EXPH5: variants seen among roughly 807,000 people sequenced by gnomAD.
EXPH5 encodes exophilin-5.
In EXPH5, 42 loss-of-function variants were observed where a neutral mutation model predicts 41.1. That is an observed-to-expected ratio of 1.02 (90% CI 0.80 to 1.32). EXPH5 has a LOEUF of 1.32. EXPH5 is among the 40% of genes most tolerant of loss of function. The pLI, the probability that EXPH5 is intolerant of heterozygous loss-of-function variation, is 0.00. For missense variants in EXPH5, 2,298 were observed against 2,314.5 expected (o/e 0.99, Z 0.15); for synonymous variants, 798 against 833.5 (o/e 0.96, Z 0.73).
In EXPH5 at chr11:108,573,198, A is replaced by AAGAAAGAAAGAG. The variant is rs1456627760; in HGVS notation, c.119+20219_119+20220insCTCTTTCTTTCT. On this transcript the variant is annotated intron_variant, in intron 1 of 5. Transcript: ENST00000265843. ...AAAGAAAGAAAGAAAGAAAGAAAGA[A>AAGAAAGAAAGAG]AAAGAAAGAAAGAAAGAAAGAAAGG... 4.7e-3 allele frequency among the ~76,000 whole-genome samples: 509 copies of AAGAAAGAAAGAG among 108,260 alleles called. 8 individuals are homozygous for AAGAAAGAAAGAG. Among genetic ancestry groups the AAGAAAGAAAGAG allele is most frequent in the African/African-American group, 9.8e-3 (236 of 24,180 alleles). The allele number at this position is 108,260 out of a possible 152,430, so 71.0% of individuals were successfully genotyped here.
chr11:108,521,760 A>G (rs189478374), intron 4 of EXPH5, among the ~76,000 whole-genome samples: 39 of 152,314 alleles, frequency 2.6e-4, no homozygotes, highest in Admixed American at 2.2e-3. Context: ...CTTTCTTCTC[A>G]AATCTGCAAT....
chr11:108,597,793 A>G (rs2094140814), upstream of EXPH5, among the ~76,000 whole-genome samples: 1 of 152,220 alleles, frequency 6.6e-6, no homozygotes, highest in Non-Finnish European at 1.5e-5. Flanking sequence ...ATCATAGATG[A>G]TAATTATCTA....
chr11:108,557,046 T>C (rs983505355), intron 1 of EXPH5, among the ~76,000 whole-genome samples: 2 of 152,240 alleles, frequency 1.3e-5, no homozygotes, highest in Admixed American at 6.5e-5. Context: ...TCTGAAATGC[T>C]CTTCCCTATT....
intron 1 of EXPH5, among the ~76,000 whole-genome samples, chr11:108,578,418 T>C (rs1394398664): frequency 2.0e-5 from 3 of 152,164 alleles, no homozygotes; most frequent in African/African-American, 7.2e-5. Flanking sequence ...CAGTACCATG[T>C]TATTTTAGTT....
At chr11:108,552,950 C>A (rs903445639) in intron 1 of EXPH5, among the ~76,000 whole-genome samples, 1 of 152,082 alleles carries the variant, frequency 6.6e-6, no homozygotes, top group African/African-American at 2.4e-5. Context: ...AATCCTAGCA[C>A]TTTGGGAGAC....
chr11:108,526,285 T>C (rs1565793704), intron 4 of EXPH5, among the ~76,000 whole-genome samples: 1 of 152,124 alleles, frequency 6.6e-6, no homozygotes, highest in Admixed American at 6.6e-5. Flanking sequence ...CCATTTCCCT[T>C]ATTTGCCCAG....
At chr11:108,590,377 A>G (rs1467224132) in intron 1 of EXPH5, among the ~76,000 whole-genome samples, 1 of 152,228 alleles carries the variant, frequency 6.6e-6, no homozygotes, top group African/African-American at 2.4e-5. Context: ...CCTATTTATC[A>G]GTTTGAATCT....
In EXPH5 at chr11:108,509,684, G is replaced by C. The variant is rs1233980438; in HGVS notation, c.5823C>G (p.Pro1941=). 6.2e-7 allele frequency: 1 copy of C among 1,613,782 alleles called. No homozygotes were observed. The highest frequency in any genetic ancestry group is 1.1e-5 in the South Asian group (1 of 90,982). The stretch of plus-strand genomic sequence containing the variant: ...AGCCATCTTCTGGCACCTGACTACT[G>C]GGAGAATTTGAGCTTAATGACTCTG... ...NPSESLSSNS[P]SSQVPEDGLS... is the part of the protein sequence containing the mutation. Residue 1941 remains proline (P), a synonymous_variant, in exon 6 of 6, where the codon CCC becomes CCG. Transcript: ENST00000265843.
chr11:108,509,966 T>C lies in EXPH5; in HGVS notation c.5541A>G (p.Arg1847=), dbSNP rs773682113. The C allele has an allele frequency of 6.2e-7, 1 of 1,613,616 alleles. No homozygotes were observed. The highest frequency in any genetic ancestry group is 8.5e-7 in the Non-Finnish European group (1 of 1,179,828). ...GGAGTTCAGAAAAAGATCTGAATCT[T>C]CGACTGTACCCATTGTTGACAGAGA... ...NEFSVNNGYS[R]RFRSFSELPS... The change falls in exon 6 of 6, where the codon CGA becomes CGG. Residue 1847 remains arginine (R), a synonymous_variant. Coordinates refer to ENST00000265843, the MANE Select transcript of EXPH5 (RefSeq NM_015065.3).
rs1406059218 is a variant in EXPH5 at position 108,512,661 on chromosome 11, G to A, written c.2846C>T (p.Pro949Leu). ...HSENQERNDS[P>L]VPTHDEVVDV... ...AACCACTTCATCATGTGTAGGCACAGGACTATCATTTCTCTCTTGGTTTTC... is the reference window on the plus strand; with the variant it reads ...AACCACTTCATCATGTGTAGGCACAAGACTATCATTTCTCTCTTGGTTTTC... Residue 949 changes from proline to leucine, a missense_variant, in exon 6 of 6, where the codon CCT becomes CTT. Pro to Leu is a moderately conservative substitution (Grantham distance 98, BLOSUM62 -3). Transcript: ENST00000265843. The A allele has an allele frequency of 6.2e-7, 1 of 1,614,120 alleles. No homozygotes were observed. The highest frequency in any genetic ancestry group is 1.7e-5 in the Admixed American group (1 of 60,024).
At chr11:108,534,111 T>G (rs982800633) in intron 3 of EXPH5, among the ~76,000 whole-genome samples, 2 of 152,220 alleles carry the variant, frequency 1.3e-5, no homozygotes, top group African/African-American at 4.8e-5. Context: ...TTTCAAATGT[T>G]GCCAAATGTC....
At chr11:108,551,921 G>A (rs540921704) in intron 1 of EXPH5, 118 of 152,192 alleles carry the variant, frequency 7.8e-4, no homozygotes, top group African/African-American at 2.7e-3. Flanking sequence ...ACTGTATCCC[G>A]AGTCAGAGCT....
intron 1 of EXPH5, among the ~76,000 whole-genome samples, chr11:108,545,594 G>T (rs183770022): frequency 2.8e-4 from 43 of 152,038 alleles, no homozygotes; most frequent in Non-Finnish European, 5.0e-4. Context: ...GAGTGTGTGT[G>T]GGGGGGAAAC....
At position 108,510,077 on chromosome 11, in the gene EXPH5, G is replaced by C; in HGVS notation, c.5430C>G (p.Ser1810Arg). ...GGCGCTCCCTGACTTTTGGAGGATG[G>C]CTTTTTCGTAGTAGATCGCCATGAA... ...INVHGDLLRKSHPPKVRERHF... is the reference protein window; with the variant it reads ...INVHGDLLRKRHPPKVRERHF... The change falls in exon 6 of 6, where the codon AGC becomes AGG. Residue 1810 changes from serine (S) to arginine (R), a missense_variant. Coordinates refer to ENST00000265843, the MANE Select transcript of EXPH5 (RefSeq NM_015065.3). 6.2e-7 allele frequency: 1 copy of C among 1,612,046 alleles called. No individual in the cohort carries two copies. The highest frequency in any genetic ancestry group is 8.5e-7 in the Non-Finnish European group (1 of 1,179,304).
In EXPH5 at chr11:108,512,122, C is replaced by G. The variant is rs750653757; in HGVS notation, c.3385G>C (p.Glu1129Gln). The G allele has an allele frequency of 2.0e-5, 33 of 1,613,712 alleles. No homozygotes were observed. The highest frequency in any genetic ancestry group is 6.7e-5 in the Admixed American group (4 of 59,928). ...INRAMSCPSG[E>Q]PHASTGREGR... ...TCTCTTCCAGTTGAGGCATGTGGCT[C>G]CCCTGAGGGACATGACATAGCCCTG... Residue 1129 changes from glutamate to glutamine, a missense_variant, in exon 6 of 6, where the codon GAG becomes CAG. Transcript: ENST00000265843.
At chr11:108,603,848 G>A in the EXPH5 span, among the ~76,000 whole-genome samples, 14 of 152,314 alleles carry the variant, frequency 9.2e-5, no homozygotes, top group East Asian at 1.9e-3. Context: ...ATGATAAGGT[G>A]CAAGGCTTCC....
chr11:108,592,972 G>C (rs752477710), intron 1 of EXPH5, among the ~76,000 whole-genome samples: 4 of 152,254 alleles, frequency 2.6e-5, no homozygotes, highest in African/African-American at 9.6e-5. Context: ...TTAGGCGAGG[G>C]TGGAAGCTCT....
chr11:108,545,245 C>A (rs981390995), intron 1 of EXPH5, among the ~76,000 whole-genome samples: 3 of 152,122 alleles, frequency 2.0e-5, no homozygotes, highest in African/African-American at 7.2e-5. Flanking sequence ...GAGACCCTGT[C>A]TCTACAAAAA....
At chr11:108,532,011 T>C (rs2093841227) in intron 3 of EXPH5, among the ~76,000 whole-genome samples, 1 of 152,120 alleles carries the variant, frequency 6.6e-6, no homozygotes, top group Non-Finnish European at 1.5e-5. Flanking sequence ...CAATCCTTTA[T>C]ACTTTATTCA....
Sources: gnomAD v4.1 joint callset for allele counts (sites outside exome capture counted in the v4.1 genomes callset) on GRCh38, gnomAD v4.1.1 for gene constraint, MANE v1.5 for transcripts, NCBI Gene and HGNC (gene_info 2026-07-23, HGNC 2026-07-21) for gene names.